The following ITPR1 variants were observed in gnomAD, a reference collection of about 807,000 sequenced individuals.
The protein encoded by ITPR1 is inositol 1,4,5-trisphosphate receptor type 1, also known as inositol 1,4,5-trisphosphate-gated calcium channel ITPR1.
ITPR1 carries 96 observed loss-of-function variants against 318.4 expected under a neutral mutation model. The ratio of observed to expected loss-of-function variants is 0.30; its 90% CI spans 0.26 to 0.36. ITPR1 has a LOEUF of 0.36. Among genes scored for constraint, ITPR1 ranks in the 10% least tolerant of loss-of-function variants. ITPR1 has a pLI of 1.00. For synonymous variants in ITPR1, 1,312 were observed against 1,289.9 expected (o/e 1.02, Z -0.37); for missense variants, 2,440 against 3,460.2 (o/e 0.71, Z 7.40).
At chr3:4,686,303 A>C (rs558588977) in intron 30 of ITPR1, among the ~76,000 whole-genome samples, 24 of 152,336 alleles carry the variant, frequency 1.6e-4, no homozygotes, top group Admixed American at 5.9e-4. Context: ...GACCATATGA[A>C]TCGGGCAGGT....
In ITPR1 at chr3:4,670,933, G is replaced by A; in HGVS notation, c.2204+7G>A. 2 of 1,546,210 alleles carry A rather than the reference G, an allele frequency of 1.3e-6. No individual in the cohort carries two copies. Among genetic ancestry groups the A allele is most frequent in the South Asian group, 1.3e-5 (1 of 79,090 alleles). ...ACGTTCTCAGCTACTACAGGTGCGT[G>A]GGACACGTGTGGGGCTCAGATTGGG... On this transcript the variant is annotated splice_region_variant and intron_variant, in intron 20 of 61. Coordinates refer to ENST00000649015, the MANE Select transcript of ITPR1 (RefSeq NM_001378452.1).
At chr3:4,665,555 G>C (rs780311543) in intron 17 of ITPR1, among the ~76,000 whole-genome samples, 76 of 152,282 alleles carry the variant, frequency 5.0e-4, no homozygotes, top group African/African-American at 1.8e-3. Flanking sequence ...TACATTTATA[G>C]AATTTTTTAT....
Position 4,685,212 on chromosome 3 carries a change from C to A in ITPR1, c.3702+6C>A, listed in dbSNP as rs542846100. On this transcript the variant is annotated splice_donor_region_variant and intron_variant, in intron 30 of 61. Coordinates refer to ENST00000649015, the MANE Select transcript of ITPR1 (RefSeq NM_001378452.1). ...TGCAGATTCCCTATGAGAAGGTGAGCGGTGCCTCATGCACAGCAGCTGCTC... is the reference window on the plus strand; with the variant it reads ...TGCAGATTCCCTATGAGAAGGTGAGAGGTGCCTCATGCACAGCAGCTGCTC... The A allele has an allele frequency of 1.9e-6, 3 of 1,596,156 alleles. No homozygotes were observed. The highest frequency in any genetic ancestry group is 4.5e-5 in the East Asian group (2 of 44,584).
chr3:4,699,628 G>C (rs2125259932), intron 34 of ITPR1, among the ~76,000 whole-genome samples, 185 bp from the exon 35 acceptor site: 1 of 152,330 alleles, frequency 6.6e-6, no homozygotes, highest in South Asian at 2.1e-4. Context: ...TGATATCCAA[G>C]CTGATCTGCT....
At chr3:4,795,254 T>A in intron 53 of ITPR1, 67 bp downstream of exon 53, 1 of 1,521,708 alleles carries the variant, frequency 6.6e-7, no homozygotes, top group Admixed American at 1.9e-5. Context: ...TGCATCTCAG[T>A]TGTGGTTCCT....
intron 4 of ITPR1, among the ~76,000 whole-genome samples, chr3:4,546,150 A>G (rs2084974145): frequency 1.3e-5 from 2 of 152,260 alleles, no homozygotes; most frequent in Middle Eastern, 3.4e-3. Flanking sequence ...CATGATTATC[A>G]TGATAATGAT....
chr3:4,822,799 C>G (rs2049815359), intron 60 of ITPR1, among the ~76,000 whole-genome samples: 1 of 152,192 alleles, frequency 6.6e-6, no homozygotes. Context: ...GATGCAATCT[C>G]ATATTCACTG....
chr3:4,749,090 C>T (rs2044314800), intron 44 of ITPR1: 1 of 152,200 alleles, frequency 6.6e-6, no homozygotes, highest in African/African-American at 2.4e-5. Flanking sequence ...CAACAGCTCC[C>T]TGTAATGCAA....
At chr3:4,564,331 G>A (rs1439336731) in intron 4 of ITPR1, among the ~76,000 whole-genome samples, 2 of 152,164 alleles carry the variant, frequency 1.3e-5, no homozygotes, top group African/African-American at 4.8e-5. Flanking sequence ...GGTGTTCCTT[G>A]GCTCTGCTGT....
chr3:4,609,019 A>C (rs1008227719), intron 4 of ITPR1, among the ~76,000 whole-genome samples: 34 of 137,346 alleles, frequency 2.5e-4, no homozygotes, highest in East Asian at 2.4e-3. Context: ...AAAAAAAAAA[A>C]AAAAAACAAA....
At chr3:4,563,693 G>A (rs761869459) in intron 4 of ITPR1, among the ~76,000 whole-genome samples, 1 of 152,050 alleles carries the variant, frequency 6.6e-6, no homozygotes, top group Non-Finnish European at 1.5e-5. Context: ...TCTCTCTTTG[G>A]CTTCAAGATT....
chr3:4,514,041 T>G (rs1489072642), intron 2 of ITPR1, among the ~76,000 whole-genome samples: 1 of 151,640 alleles, frequency 6.6e-6, no homozygotes, highest in African/African-American at 2.4e-5. Context: ...GAGCTGAGAT[T>G]GTGCCACTGC....
intron 45 of ITPR1, among the ~76,000 whole-genome samples, chr3:4,767,549 C>T (rs924109680): frequency 2.6e-5 from 4 of 152,254 alleles, no homozygotes; most frequent in African/African-American, 7.2e-5. Flanking sequence ...GGCTCTGTCT[C>T]ACTCTGTTGC....
intron 4 of ITPR1, among the ~76,000 whole-genome samples, chr3:4,550,334 G>T (rs1413370481): frequency 6.6e-6 from 1 of 152,166 alleles, no homozygotes; most frequent in East Asian, 1.9e-4. Context: ...GCATTGACCA[G>T]TCCGCTGCCA....
At chr3:4,511,120 T>G (rs577407548) in intron 2 of ITPR1, among the ~76,000 whole-genome samples, 2 of 152,234 alleles carry the variant, frequency 1.3e-5, no homozygotes, top group South Asian at 2.1e-4. Flanking sequence ...GGGAATCCTC[T>G]TCACGTAACA....
At chr3:4,811,146 A>G (rs1231940771) in intron 55 of ITPR1, 119 bp from the exon 56 acceptor site, 2 of 579,292 alleles carry the variant, frequency 3.5e-6, no homozygotes, top group Non-Finnish European at 5.9e-6. Flanking sequence ...TTAAGATCAT[A>G]TGTAGTGCTT....
intron 4 of ITPR1, among the ~76,000 whole-genome samples, chr3:4,533,084 C>G (rs1265494436): frequency 6.6e-6 from 1 of 152,000 alleles, no homozygotes; most frequent in Non-Finnish European, 1.5e-5. Flanking sequence ...TGGTTGGGAG[C>G]GTTGGGTCAA....
Position 4,782,798 on chromosome 3 carries a change from G to A in ITPR1, c.6510+57G>A, listed in dbSNP as rs1012078196. On this transcript the variant is annotated intron_variant, in intron 50 of 61. Coordinates refer to ENST00000649015, the MANE Select transcript of ITPR1 (RefSeq NM_001378452.1). The stretch of plus-strand genomic sequence containing the variant: ...TGCCTCCCTACAGGTCCAAAATTCC[G>A]AGCTGGAGGGTGCCCCCAGTCTTGC... 2.1e-5 allele frequency: 29 copies of A among 1,401,432 alleles called. No homozygotes were observed. In the East Asian group the frequency reaches 4.0e-4, roughly 19 times the overall value. The allele number at this position is 1,401,432 out of a possible 1,614,324, so 86.8% of individuals were successfully genotyped here.
chr3:4,798,571 TAG>T (rs1158786142), intron 53 of ITPR1, among the ~76,000 whole-genome samples: 4 of 152,360 alleles, frequency 2.6e-5, no homozygotes, highest in Middle Eastern at 3.4e-3. Flanking sequence ...AACATATCTG[TAG>T]GATCCAACAT....
Sources: gnomAD v4.1 joint callset for allele counts (sites outside exome capture counted in the v4.1 genomes callset) on GRCh38, gnomAD v4.1.1 for gene constraint, MANE v1.5 for transcripts, NCBI Gene and HGNC (gene_info 2026-07-23, HGNC 2026-07-21) for gene names.